SIM1: variants seen among roughly 807,000 people sequenced by gnomAD.
The protein encoded by SIM1 is SIM bHLH transcription factor 1.
Under a neutral mutation model 78.2 loss-of-function variants are expected in SIM1, and 18 were observed. The ratio of observed to expected loss-of-function variants is 0.23; its 90% confidence interval spans 0.16 to 0.34. SIM1 has a LOEUF of 0.34. Among genes scored for constraint, SIM1 ranks in the 10% least tolerant of loss-of-function variants. The probability of loss-of-function intolerance (pLI) is 1.00; values close to 1 mark genes in which losing one functional copy is unlikely to be tolerated. For synonymous variants in SIM1, 417 were observed against 385.2 expected (o/e 1.08, Z -0.97); for missense variants, 939 against 975.1 (o/e 0.96, Z 0.49).
chr6:100,424,950 T>C (rs1437122603), intron 9 of SIM1, among the ~76,000 whole-genome samples: 1 of 152,228 alleles, frequency 6.6e-6, no homozygotes, highest in Non-Finnish European at 1.5e-5. Flanking sequence ...ATTTCTTTCC[T>C]TTCTATCCCT....
chr6:100,410,045 A>G (rs557316810), intron 10 of SIM1, among the ~76,000 whole-genome samples: 3 of 152,298 alleles, frequency 2.0e-5, no homozygotes, highest in African/African-American at 7.2e-5. Context: ...TCCATGCACT[A>G]TAATACGCCA....
At chr6:100,407,032 T>A (rs1221475855) in intron 10 of SIM1, among the ~76,000 whole-genome samples, 2 of 152,152 alleles carry the variant, frequency 1.3e-5, no homozygotes, top group African/African-American at 4.8e-5. Context: ...TGAGTTTGAT[T>A]TTTTTAGATT....
At chr6:100,447,547 A>G (rs1380921218) in intron 8 of SIM1, 132 bp from the exon 9 acceptor site, 3 of 987,502 alleles carry the variant, frequency 3.0e-6, no homozygotes, top group African/African-American at 1.6e-5. Flanking sequence ...AGAGAGAGAG[A>G]GACGACAGGC....
chr6:100,438,881 G>A (rs1205548588), intron 9 of SIM1, among the ~76,000 whole-genome samples: 1 of 152,196 alleles, frequency 6.6e-6, no homozygotes, highest in Non-Finnish European at 1.5e-5. Context: ...AATATCATAT[G>A]TTCTCAGTTA....
chr6:100,427,578 G>A (rs1303881161), intron 9 of SIM1, among the ~76,000 whole-genome samples: 3 of 152,164 alleles, frequency 2.0e-5, no homozygotes, highest in Admixed American at 2.0e-4. Flanking sequence ...CAGCCAAAAA[G>A]TAAGGCAAAA....
At chr6:100,464,346 C>G (rs1235247409) in intron 1 of SIM1, among the ~76,000 whole-genome samples, 1 of 152,214 alleles carries the variant, frequency 6.6e-6, no homozygotes, top group Non-Finnish European at 1.5e-5. Flanking sequence ...TTGGCTACCT[C>G]TTTAACTTGG....
chr6:100,438,241 C>T (rs1358583346), intron 9 of SIM1, among the ~76,000 whole-genome samples: 1 of 152,120 alleles, frequency 6.6e-6, no homozygotes, highest in African/African-American at 2.4e-5. Flanking sequence ...TCAAAATTTT[C>T]AAGGATCTCC....
At chr6:100,423,314 C>T (rs1771643011) in intron 9 of SIM1, among the ~76,000 whole-genome samples, 1 of 152,202 alleles carries the variant, frequency 6.6e-6, no homozygotes, top group Non-Finnish European at 1.5e-5. Flanking sequence ...CTCCCACTTG[C>T]CTCTATGAAG....
At position 100,391,110 on chromosome 6, in the gene SIM1, C is replaced by T. The variant is rs1391333300; in HGVS notation, c.1571-19G>A. 6.4e-7 allele frequency: 1 copy of T among 1,553,568 alleles called. No homozygotes were observed. Among genetic ancestry groups the T allele is most frequent in the African/African-American group, 1.4e-5 (1 of 72,262 alleles). On this transcript the variant is annotated intron_variant, in intron 11 of 11. Coordinates refer to ENST00000369208, the MANE Select transcript of SIM1 (RefSeq NM_005068.3). ...CCTCGCCCTAAAAATTAGAAAAAGT[C>T]AAAAGTAAGTGATCTCAGAATTCAC...
intron 10 of SIM1, among the ~76,000 whole-genome samples, chr6:100,397,457 T>C (rs1367953882): frequency 6.6e-6 from 1 of 152,172 alleles, no homozygotes; most frequent in African/African-American, 2.4e-5. Context: ...GCTAGAGTAA[T>C]TGGACACTCA....
chr6:100,395,609 G>A (rs950925388), intron 10 of SIM1, among the ~76,000 whole-genome samples: 1 of 152,210 alleles, frequency 6.6e-6, no homozygotes, highest in Non-Finnish European at 1.5e-5. Context: ...AAACAGGGGT[G>A]GGCACATGTG....
intron 2 of SIM1, among the ~76,000 whole-genome samples, chr6:100,459,355 A>G (rs930746798): frequency 6.6e-6 from 1 of 152,352 alleles, no homozygotes; most frequent in South Asian, 2.1e-4. Context: ...TGCACTCCAC[A>G]TTTTAAGTCA....
chr6:100,412,555 A>AAAGAAAAGAAAG (rs1281547759), intron 10 of SIM1, among the ~76,000 whole-genome samples: 1 of 64,440 alleles, frequency 1.6e-5, no homozygotes, highest in Non-Finnish European at 2.9e-5. Flanking sequence ...AGAAAGAAAG[A>AAAGAAAAGAAAG]AAAGAAAGAA....
chr6:100,394,443 T>C (rs1468372149), intron 10 of SIM1, among the ~76,000 whole-genome samples: 1 of 152,088 alleles, frequency 6.6e-6, no homozygotes, highest in Admixed American at 6.6e-5. Context: ...TCTGGCCCTG[T>C]CCCCCAGGCT....
intron 10 of SIM1, among the ~76,000 whole-genome samples, chr6:100,404,215 T>C (rs956928921): frequency 5.3e-5 from 8 of 152,240 alleles, no homozygotes; most frequent in African/African-American, 1.7e-4. Flanking sequence ...TCATTCCTGC[T>C]TCAACAGCAT....
intron 10 of SIM1, among the ~76,000 whole-genome samples, chr6:100,396,859 T>C (rs1770781190): frequency 6.6e-6 from 1 of 152,150 alleles, no homozygotes; most frequent in Admixed American, 6.5e-5. Flanking sequence ...AGCCAGCCAA[T>C]ATATGTAGTG....
At chr6:100,395,998 T>G (rs1337071037) in intron 10 of SIM1, 1 of 623,298 alleles carries the variant, frequency 1.6e-6, no homozygotes, top group African/African-American at 2.0e-5. Flanking sequence ...AAAATCCACC[T>G]TATCTCCCTG....
At chr6:100,452,818 C>A (rs1473585866) in intron 3 of SIM1, among the ~76,000 whole-genome samples, 1 of 152,146 alleles carries the variant, frequency 6.6e-6, no homozygotes, top group South Asian at 2.1e-4. Context: ...GCTTGCCCAA[C>A]CCCTTCCTTT....
At chr6:100,405,197 A>C (rs1239735833) in intron 10 of SIM1, among the ~76,000 whole-genome samples, 1 of 152,104 alleles carries the variant, frequency 6.6e-6, no homozygotes, top group African/African-American at 2.4e-5. Context: ...AATTTAATTC[A>C]ATTACATACA....
Sources: gnomAD v4.1 joint callset for allele counts (sites outside exome capture counted in the v4.1 genomes callset) on GRCh38, gnomAD v4.1.1 for gene constraint, MANE v1.5 for transcripts, NCBI Gene and HGNC (gene_info 2026-07-23, HGNC 2026-07-21) for gene names.